The following RABGAP1L variants were observed in gnomAD, a reference collection of about 807,000 sequenced individuals.
RABGAP1L encodes rab GTPase-activating protein 1-like.
A neutral mutation model predicts 137.7 loss-of-function variants in RABGAP1L; 63 were observed. The ratio of observed to expected loss-of-function variants is 0.46; its 90% CI spans 0.37 to 0.56. The LOEUF is 0.56. RABGAP1L is among the 20% of genes least tolerant of loss of function. The pLI is 0.00. For synonymous variants in RABGAP1L, 431 were observed against 433.7 expected, an observed-to-expected ratio of 0.99 and a Z score of 0.08; for missense variants, 1,095 against 1,244.0, an observed-to-expected ratio of 0.88 and a Z score of 1.80.
chr1:174,773,692 A>G (rs1033655006), intron 18 of RABGAP1L, among the ~76,000 whole-genome samples: 13 of 152,354 alleles, frequency 8.5e-5, no homozygotes, highest in African/African-American at 3.1e-4. Flanking sequence ...CTCACTGTCA[A>G]AAATCATCAT....
At chr1:174,602,686 C>G (rs1670504240) in intron 13 of RABGAP1L, among the ~76,000 whole-genome samples, 1 of 152,102 alleles carries the variant, frequency 6.6e-6, no homozygotes, top group Non-Finnish European at 1.5e-5. Flanking sequence ...TGTCTTCAAG[C>G]TCTCTAATTC....
At chr1:174,502,452 A>G (rs1661369003) in intron 13 of RABGAP1L, among the ~76,000 whole-genome samples, 1 of 151,454 alleles carries the variant, frequency 6.6e-6, no homozygotes, top group Non-Finnish European at 1.5e-5. Context: ...AAAATAGTCT[A>G]GAATTACTAG....
chr1:174,220,015 T>G (rs1669630524), intron 2 of RABGAP1L, among the ~76,000 whole-genome samples: 1 of 152,206 alleles, frequency 6.6e-6, no homozygotes, highest in African/African-American at 2.4e-5. Context: ...TACTAAATGT[T>G]TATGTTGAGA....
At chr1:174,413,600 CT>C (rs1311139539) in intron 13 of RABGAP1L, among the ~76,000 whole-genome samples, 1 of 152,078 alleles carries the variant, frequency 6.6e-6, no homozygotes, top group Non-Finnish European at 1.5e-5. Flanking sequence ...TCATTATTTT[CT>C]CGCAGGTATG....
chr1:174,431,427 C>T (rs995284597), intron 13 of RABGAP1L, among the ~76,000 whole-genome samples: 1 of 152,066 alleles, frequency 6.6e-6, no homozygotes, highest in Non-Finnish European at 1.5e-5. Context: ...TCCTTTTCTC[C>T]TGTGTTATTT....
intron 13 of RABGAP1L, among the ~76,000 whole-genome samples, chr1:174,519,240 A>G: frequency 6.6e-6 from 1 of 152,000 alleles, no homozygotes; most frequent in East Asian, 1.9e-4. Flanking sequence ...ACACATATAT[A>G]TATATTTATG....
intron 13 of RABGAP1L, among the ~76,000 whole-genome samples, chr1:174,600,691 C>G (rs1423311246): frequency 6.6e-6 from 1 of 152,188 alleles, no homozygotes; most frequent in Non-Finnish European, 1.5e-5. Flanking sequence ...GAGGTGGGTT[C>G]CCATCATCTT....
intron 13 of RABGAP1L, among the ~76,000 whole-genome samples, chr1:174,531,051 A>G (rs924811106): frequency 6.6e-6 from 1 of 152,222 alleles, no homozygotes; most frequent in Non-Finnish European, 1.5e-5. Context: ...ACATAACCCC[A>G]TGGGTGAATC....
intron 13 of RABGAP1L, among the ~76,000 whole-genome samples, chr1:174,419,014 G>C (rs1226128062): frequency 6.6e-6 from 1 of 152,046 alleles, no homozygotes; most frequent in African/African-American, 2.4e-5. Context: ...CTCCAGCCTG[G>C]GCAACAGAGT....
chr1:174,686,096 C>T (rs1189632694), intron 15 of RABGAP1L, among the ~76,000 whole-genome samples: 2 of 152,072 alleles, frequency 1.3e-5, no homozygotes, highest in Non-Finnish European at 2.9e-5. Flanking sequence ...TAAAGAAGTT[C>T]GGATTCTCAG....
chr1:174,888,659 C>A (rs1655586129), intron 19 of RABGAP1L, among the ~76,000 whole-genome samples: 1 of 152,078 alleles, frequency 6.6e-6, no homozygotes, highest in Non-Finnish European at 1.5e-5. Flanking sequence ...CCACGCCCAG[C>A]TAATTTTTGT....
chr1:174,450,552 C>G (rs1369264188), intron 13 of RABGAP1L, among the ~76,000 whole-genome samples: 1 of 152,066 alleles, frequency 6.6e-6, no homozygotes, highest in African/African-American at 2.4e-5. Context: ...ATATAATATA[C>G]TTAATTATCA....
At chr1:174,739,993 G>A (rs1683252137) in intron 17 of RABGAP1L, among the ~76,000 whole-genome samples, 1 of 152,154 alleles carries the variant, frequency 6.6e-6, no homozygotes, top group Admixed American at 6.5e-5. Context: ...AGGCTCCTTA[G>A]CGATCCTCAG....
At position 174,284,823 on chromosome 1, in the gene RABGAP1L, A is replaced by G. The variant is rs150188284; in HGVS notation, c.1323+6044A>G. 9.7e-5 allele frequency among the ~76,000 whole-genome samples: 12 copies of G among 123,682 alleles called. No individual in the cohort carries two copies. In the East Asian group the frequency reaches 2.1e-3, roughly 21 times the overall value. 81.1% of individuals were successfully genotyped at this position (123,682 alleles called of 152,430 possible). ...AGCTTTTTTTTCCCCCAAGATTGCT[A>G]TGGATATTCGGGTTCTATATGAATT... On this transcript the variant is annotated intron_variant, in intron 10 of 25. Transcript: ENST00000681986.
At chr1:174,611,413 A>G (rs561092759) in intron 13 of RABGAP1L, among the ~76,000 whole-genome samples, 5 of 151,958 alleles carry the variant, frequency 3.3e-5, no homozygotes, top group East Asian at 3.9e-4. Flanking sequence ...CCATTGGTCT[A>G]TATCTCTCTT....
intron 1 of RABGAP1L, among the ~76,000 whole-genome samples, chr1:174,182,059 T>C (rs779789132): frequency 6.6e-6 from 1 of 152,250 alleles, no homozygotes; most frequent in Non-Finnish European, 1.5e-5. Context: ...CTGATGCAGA[T>C]GGATAAGTAA....
intron 14 of RABGAP1L, among the ~76,000 whole-genome samples, chr1:174,651,331 T>C (rs750993619): frequency 6.6e-6 from 1 of 152,200 alleles, no homozygotes; most frequent in Non-Finnish European, 1.5e-5. Context: ...GGTGAAGAGT[T>C]CTGTTGATGT....
chr1:174,625,613 G>C (rs982935553), intron 13 of RABGAP1L, among the ~76,000 whole-genome samples: 2 of 152,064 alleles, frequency 1.3e-5, no homozygotes, highest in Non-Finnish European at 2.9e-5. Context: ...GTCACTTTTT[G>C]TATTATTCAA....
chr1:174,614,148 A>T (rs988392423), intron 13 of RABGAP1L, among the ~76,000 whole-genome samples: 4 of 152,164 alleles, frequency 2.6e-5, no homozygotes, highest in African/African-American at 9.7e-5. Context: ...GTTTCTTCCT[A>T]GCCTCGATGG....
Sources: gnomAD v4.1 joint callset for allele counts (sites outside exome capture counted in the v4.1 genomes callset) on GRCh38, gnomAD v4.1.1 for gene constraint, MANE v1.5 for transcripts, NCBI Gene and HGNC (gene_info 2026-07-23, HGNC 2026-07-21) for gene names.